The following TIMELESS variants were observed in gnomAD, a reference collection of about 807,000 sequenced individuals.
TIMELESS encodes protein timeless homolog.
A neutral mutation model predicts 164.3 loss-of-function variants in TIMELESS; 124 were observed. The ratio of observed to expected loss-of-function variants is 0.75; its 90% confidence interval spans 0.65 to 0.88. The LOEUF is 0.88. TIMELESS is among the 40% of genes least tolerant of loss of function. TIMELESS has a pLI of 0.00. For missense variants in TIMELESS, 1,422 were observed against 1,491.4 expected (o/e 0.95, Z 0.77); for synonymous variants, 564 against 563.4 (o/e 1.00, Z -0.02).
chr12:56,419,217 C>T (rs563036184), intron 26 of TIMELESS, among the ~76,000 whole-genome samples: 77 of 151,808 alleles, frequency 5.1e-4, no homozygotes, highest in Non-Finnish European at 1.0e-3. Context: ...GTCTTGAACT[C>T]CTGACCTCAG....
In TIMELESS at chr12:56,433,758, A is replaced by G; in HGVS notation, c.251+15T>C. On this transcript the variant is annotated intron_variant, in intron 3 of 28. Transcript: ENST00000553532. ...GCCTGGCAGGTGGCAAAAGTTTAAA[A>G]GCTAGGGAGGCAACCTGATAACAGC... 1 of 1,614,056 alleles carries G rather than the reference A, an allele frequency of 6.2e-7. No individual in the cohort carries two copies. Among genetic ancestry groups the G allele is most frequent in the East Asian group, 2.2e-5 (1 of 44,890 alleles).
In TIMELESS at chr12:56,423,278, T is replaced by C; in HGVS notation, c.2288A>G (p.Tyr763Cys). The C allele has an allele frequency of 1.2e-6, 2 of 1,614,064 alleles. No individual in the cohort carries two copies. The highest frequency in any genetic ancestry group is 4.5e-5 in the East Asian group (2 of 44,882). Residue 763 changes from tyrosine to cysteine, a missense_variant, in exon 18 of 29, where the codon TAC becomes TGC. Coordinates refer to ENST00000553532, the MANE Select transcript of TIMELESS (RefSeq NM_003920.5). ...CATTCCTTGTTATCCCCTCACTTTG[T>C]AGGCTCCAGCAGCAGGGTCACTAAG... ...RLLSDPAAGA[Y>C]KELVTFAKYI...
chr12:56,421,639 T>A, intron 22 of TIMELESS, 88 bp downstream of exon 22: 1 of 1,548,640 alleles, frequency 6.5e-7, no homozygotes, highest in South Asian at 1.1e-5. Flanking sequence ...GATGGGAGAA[T>A]CTTTCCTTGG....
rs748917996 is a variant in TIMELESS, at chr12:56,433,409, C to T, written c.401G>A (p.Ser134Asn). The T allele has an allele frequency of 2.5e-6, 4 of 1,614,184 alleles. No homozygotes were observed. The South Asian group carries it at 4.4e-5, about 18-fold the overall frequency. Reference sequence around the variant, plus strand: ...CTGCAGCAGCTCATACAAGGTTTCACTGAGGACTCCAAAAGCCTTCTCACT... The same window carrying T: ...CTGCAGCAGCTCATACAAGGTTTCATTGAGGACTCCAAAAGCCTTCTCACT... ...FASEKAFGVLSETLYELLQLG... is the reference protein window; with the variant it reads ...FASEKAFGVLNETLYELLQLG... The change falls in exon 5 of 29, where the codon AGT (serine) becomes AAT (asparagine). Residue 134 changes from serine (S) to asparagine (N), a missense_variant. Physicochemically the swap from Ser to Asn is conservative, Grantham distance 46. Transcript: ENST00000553532.
intron 1 of TIMELESS, among the ~76,000 whole-genome samples, chr12:56,447,019 T>A (rs539008062): frequency 5.0e-4 from 76 of 150,768 alleles, no homozygotes; most frequent in East Asian, 7.7e-4. Context: ...TTTTATTTTT[T>A]TTTTTTTTGG....
At chr12:56,435,614 A>C (rs537052477) in intron 1 of TIMELESS, among the ~76,000 whole-genome samples, 1 of 152,286 alleles carries the variant, frequency 6.6e-6, no homozygotes, top group East Asian at 1.9e-4. Context: ...GGAGTTCGAG[A>C]CCAACTTTGC....
At chr12:56,434,523 A>C (rs1192877775) in intron 1 of TIMELESS, among the ~76,000 whole-genome samples, 2 of 152,132 alleles carry the variant, frequency 1.3e-5, no homozygotes, top group African/African-American at 4.8e-5. Flanking sequence ...AGATCACCTG[A>C]GGTTGGGAGT....
Position 56,428,672 on chromosome 12 carries a change from G to A in TIMELESS, c.1305-20C>T, listed in dbSNP as rs183703648. 96 of 1,606,116 alleles carry A rather than the reference G, an allele frequency of 6.0e-5. No individual in the cohort carries two copies. The East Asian group carries it at 1.5e-3, about 26-fold the overall frequency. On this transcript the variant is annotated intron_variant, in intron 11 of 28. Transcript: ENST00000553532. ...TGCATCCTGAGAGTTGACGGGAAAC[G>A]GTGAAATGGAGGACAGCTTAGGGCA...
intron 23 of TIMELESS, 89 bp from the exon 24 acceptor site, chr12:56,421,223 C>T (rs1043530789): frequency 9.4e-6 from 15 of 1,590,402 alleles, no homozygotes; most frequent in African/African-American, 1.3e-5. Flanking sequence ...CCGCACCCCC[C>T]CGCGCCTGCT....
intron 1 of TIMELESS, among the ~76,000 whole-genome samples, chr12:56,436,957 C>A (rs771320789): frequency 6.7e-6 from 1 of 149,566 alleles, no homozygotes; most frequent in Non-Finnish European, 1.5e-5. Context: ...GAGACAGAGT[C>A]TCACGCTCTG....
At chr12:56,422,226 T>G in intron 19 of TIMELESS, 35 bp from the exon 20 acceptor site, 1 of 1,601,646 alleles carries the variant, frequency 6.2e-7, no homozygotes, top group Non-Finnish European at 8.5e-7. Flanking sequence ...GCATATAGGT[T>G]CTTGGCCCAA....
rs777449396 is a variant in TIMELESS, at chr12:56,423,453, G to A, written c.2113C>T (p.Arg705Ter). 7 of 1,613,956 alleles carry A rather than the reference G, an allele frequency of 4.3e-6. No individual in the cohort carries two copies. The highest frequency in any genetic ancestry group is 5.1e-6 in the Non-Finnish European group (6 of 1,180,020). The change falls in exon 18 of 29, where the codon CGA (arginine) becomes TGA (stop). Residue 705 changes from arginine (R) to a stop codon, truncating the protein, a stop_gained. Transcript: ENST00000553532. LOFTEE classifies it high-confidence loss of function. Reference protein sequence around the residue: ...LKRFACSTVVRAYVLLLRSYQ... With the variant: ...LKRFACSTVV ...CTCCTTAGTAGCAGCACATAGGCTC[G>A]AACGACAGTTGAACATGCAAAGCTG...
chr12:56,447,188 T>G (rs909290966), intron 1 of TIMELESS, among the ~76,000 whole-genome samples: 327 of 39,980 alleles, frequency 8.2e-3, no homozygotes, highest in African/African-American at 0.046. Context: ...TTTTGTTTTT[T>G]TTTTTTTTTT....
rs199528398 is a variant in TIMELESS, at chr12:56,423,783, G to C, written c.1966+14C>G. ...AGAGCTGGAAGGAGACAGATGTGAA[G>C]GGTGGAGACTCACGGGGAAGTGGAG... On this transcript the variant is annotated intron_variant, in intron 16 of 28. Coordinates refer to ENST00000553532, the MANE Select transcript of TIMELESS (RefSeq NM_003920.5). 2.5e-6 allele frequency: 4 copies of C among 1,614,002 alleles called. No homozygotes were observed. The highest frequency in any genetic ancestry group is 3.4e-6 in the Non-Finnish European group (4 of 1,180,022).
intron 19 of TIMELESS, 115 bp downstream of exon 19, chr12:56,422,732 T>A: frequency 8.4e-7 from 1 of 1,186,306 alleles, no homozygotes; most frequent in Non-Finnish European, 1.2e-6. Flanking sequence ...TCACCCATAA[T>A]AGGGAAAGAA....
rs750325047 is a variant in TIMELESS, at chr12:56,417,687, C to T, written c.*29G>A. 8.7e-6 allele frequency: 14 copies of T among 1,612,902 alleles called. No homozygotes were observed. In the African/African-American group the frequency reaches 1.7e-4, roughly 20 times the overall value. On this transcript the variant is annotated 3_prime_UTR_variant, in exon 29 of 29. Transcript: ENST00000553532. ...TTGAATGCACCATCTAAAAACGTGT[C>T]TATCTCTACCCCTAGGCTTCTTAGC...
intron 1 of TIMELESS, among the ~76,000 whole-genome samples, chr12:56,444,393 T>C (rs1278835891): frequency 6.6e-6 from 1 of 152,034 alleles, no homozygotes; most frequent in Non-Finnish European, 1.5e-5. Context: ...CCTAAAAACA[T>C]ACATATTTCA....
At chr12:56,433,703 A>C in intron 3 of TIMELESS, 51 bp from the exon 4 acceptor site, 1 of 1,613,726 alleles carries the variant, frequency 6.2e-7, no homozygotes, top group Non-Finnish European at 8.5e-7. Flanking sequence ...TACCAGCTCA[A>C]ACGCCAAACC....
At chr12:56,427,877 C>T (rs1881727240) in intron 13 of TIMELESS, among the ~76,000 whole-genome samples, 1 of 152,156 alleles carries the variant, frequency 6.6e-6, no homozygotes, top group Non-Finnish European at 1.5e-5. Context: ...TGCCTGGCCG[C>T]AATTTAAGGC....
Sources: gnomAD v4.1 joint callset for allele counts (sites outside exome capture counted in the v4.1 genomes callset) on GRCh38, gnomAD v4.1.1 for gene constraint, MANE v1.5 for transcripts, NCBI Gene and HGNC (gene_info 2026-07-23, HGNC 2026-07-21) for gene names.